MAPT: variants seen among roughly 807,000 people sequenced by gnomAD.
MAPT encodes the protein microtubule-associated protein tau.
In MAPT, 34 loss-of-function variants were observed where a neutral mutation model predicts 67.9. The ratio of observed to expected loss-of-function variants is 0.50; its 90% confidence interval spans 0.38 to 0.67. The LOEUF is 0.67. Among genes scored for constraint, MAPT ranks in the 30% least tolerant of loss-of-function variants. The pLI, the probability that MAPT is intolerant of heterozygous loss-of-function variation, is 0.00. For missense variants in MAPT, 881 were observed against 1,115.2 expected, an observed-to-expected ratio of 0.79 and a Z score of 2.99; for synonymous variants, 456 against 464.5, an observed-to-expected ratio of 0.98 and a Z score of 0.23.
chr17:45,983,543 C>T lies in MAPT; in HGVS notation c.964C>T (p.Gln322Ter). Reference protein sequence around the residue: ...ASPAQDGRPPQTAAREATSIP... With the variant: ...ASPAQDGRPP ...CCCAGCCCAAGATGGGCGGCCTCCC[C>T]AGACAGCCGCCAGAGAAGCCACCAG... is the stretch of plus-strand genomic sequence containing the variant. The change falls in exon 5 of 13, where the codon CAG becomes TAG. Residue 322 changes from glutamine to a stop codon, truncating the protein, a stop_gained. Transcript: ENST00000262410. LOFTEE classifies it high-confidence loss of function. 6.2e-7 allele frequency: 1 copy of T among 1,613,058 alleles called. No individual in the cohort carries two copies. Among genetic ancestry groups the T allele is most frequent in the Non-Finnish European group, 8.5e-7 (1 of 1,179,978 alleles).
At chr17:45,942,132 C>T (rs182545810) in intron 1 of MAPT, among the ~76,000 whole-genome samples, 45 of 152,238 alleles carry the variant, frequency 3.0e-4, no homozygotes, top group African/African-American at 1.1e-3. Context: ...GAAAATCTCC[C>T]TAATTGTATT....
intron 7 of MAPT, among the ~76,000 whole-genome samples, chr17:45,990,923 G>GC (rs1244254478): frequency 6.6e-6 from 1 of 152,018 alleles, no homozygotes; most frequent in Non-Finnish European, 1.5e-5. Flanking sequence ...TCGGGTGCTC[G>GC]CCTGGTCTGA....
chr17:46,014,735 G>A (rs1000892945), intron 11 of MAPT, among the ~76,000 whole-genome samples: 17 of 152,254 alleles, frequency 1.1e-4, no homozygotes, highest in East Asian at 1.9e-4. Flanking sequence ...TTAGCCGGGC[G>A]TGGTGGTGGG....
At chr17:45,901,622 A>G (rs1560312) in intron 1 of MAPT, among the ~76,000 whole-genome samples, 42,927 of 152,126 alleles carry the variant, frequency 0.28, 6,509 homozygotes, top group Middle Eastern at 0.36. Context: ...AATCAAGACT[A>G]AGTAACAATA....
chr17:45,985,925 T>C (rs1367469173), intron 5 of MAPT, among the ~76,000 whole-genome samples: 3 of 152,094 alleles, frequency 2.0e-5, no homozygotes, highest in African/African-American at 4.8e-5. Flanking sequence ...CAGGTGACAA[T>C]AGCCAATGAG....
In MAPT at chr17:45,941,502, T is replaced by C. The variant is rs575482284; in HGVS notation, c.-17-20819T>C. 3.2e-4 allele frequency among the ~76,000 whole-genome samples: 49 copies of C among 152,046 alleles called. 1 individual carries two copies. Among genetic ancestry groups the C allele is most frequent in the South Asian group, 1.3e-3 (6 of 4,786 alleles). On this transcript the variant is annotated intron_variant, in intron 1 of 12. Coordinates refer to ENST00000262410, the MANE Select transcript of MAPT (RefSeq NM_001377265.1). The stretch of plus-strand genomic sequence containing the variant: ...GCTTCTACCCCAGGGGTGTAGAGTT[T>C]TGCCATTTTCCAAGCAGAACTTCAT...
intron 9 of MAPT, among the ~76,000 whole-genome samples, chr17:46,001,531 C>T (rs892563445): frequency 2.6e-4 from 40 of 152,240 alleles, no homozygotes; most frequent in Middle Eastern, 3.4e-3. Flanking sequence ...GGCGCGGTGG[C>T]GCATGCCTGT....
At chr17:45,921,660 G>T (rs1298928755) in intron 1 of MAPT, among the ~76,000 whole-genome samples, 1 of 152,206 alleles carries the variant, frequency 6.6e-6, no homozygotes, top group Non-Finnish European at 1.5e-5. Flanking sequence ...ATCAGAAATC[G>T]TATTTCCATG....
chr17:45,978,456 T>C lies in MAPT; in HGVS notation c.286+16T>C. 6.2e-7 allele frequency: 1 copy of C among 1,609,584 alleles called. No individual in the cohort carries two copies. Among genetic ancestry groups the C allele is most frequent in the South Asian group, 1.1e-5 (1 of 90,994 alleles). ...GTGACCCAAGGTCAGTGAACTGGAA[T>C]TGCCTGCCATGACTTGGGGGTTGGG... On this transcript the variant is annotated intron_variant, in intron 4 of 12. Coordinates refer to ENST00000262410, the MANE Select transcript of MAPT (RefSeq NM_001377265.1).
chr17:45,935,248 C>T (rs1439979984), intron 1 of MAPT, among the ~76,000 whole-genome samples: 1 of 152,100 alleles, frequency 6.6e-6, no homozygotes, highest in Non-Finnish European at 1.5e-5. Context: ...TTCCCTCAGC[C>T]TCCACCCCAA....
chr17:46,018,995 TTTTA>T (rs2076356062), intron 12 of MAPT, among the ~76,000 whole-genome samples: 2 of 152,208 alleles, frequency 1.3e-5, no homozygotes, highest in African/African-American at 2.4e-5. Flanking sequence ...GAGTTTTTGT[TTTTA>T]TTTATTTTTA....
intron 9 of MAPT, among the ~76,000 whole-genome samples, chr17:46,004,355 G>A (rs1232975780): frequency 6.6e-6 from 1 of 152,160 alleles, no homozygotes; most frequent in Non-Finnish European, 1.5e-5. Flanking sequence ...ATTAAACCAA[G>A]TGGACACACA....
chr17:45,898,662 A>C (rs1351482463), intron 1 of MAPT: 2 of 152,120 alleles, frequency 1.3e-5, no homozygotes, highest in Non-Finnish European at 2.9e-5. Context: ...TTCCAATTGG[A>C]CATGTGATAA....
At position 45,989,629 on chromosome 17, in the gene MAPT, C is replaced by T. The variant is rs113134013; in HGVS notation, c.1408-249C>T. 0.15 allele frequency among the ~76,000 whole-genome samples: 22,085 copies of T among 152,082 alleles called. 2,149 individuals are homozygous for T. Among genetic ancestry groups the T allele is most frequent in the Non-Finnish European group, 0.22 (14,758 of 67,980 alleles). On this transcript the variant is annotated intron_variant, in intron 6 of 12. Coordinates refer to ENST00000262410, the MANE Select transcript of MAPT (RefSeq NM_001377265.1). The stretch of plus-strand genomic sequence containing the variant: ...TTGCACCACTGCAGTCCAGCCTGGG[C>T]GACAGAGCGAGACTCCGTCTCAAAA...
chr17:45,948,873 G>C (rs1190263626), intron 1 of MAPT, among the ~76,000 whole-genome samples: 1 of 152,200 alleles, frequency 6.6e-6, no homozygotes. Flanking sequence ...GAAAGACAGG[G>C]TGCAGAAGCC....
At chr17:45,902,204 C>T (rs1000235737) in intron 1 of MAPT, among the ~76,000 whole-genome samples, 8 of 152,074 alleles carry the variant, frequency 5.3e-5, no homozygotes, top group African/African-American at 1.2e-4. Context: ...CCGCCGTAGC[C>T]GGGACTACAG....
At chr17:45,947,718 C>T (rs1357281979) in intron 1 of MAPT, among the ~76,000 whole-genome samples, 2 of 152,038 alleles carry the variant, frequency 1.3e-5, no homozygotes, top group African/African-American at 2.4e-5. Flanking sequence ...GTATGTTTGA[C>T]TTGATGACCT....
rs1180992241 is a variant in MAPT at position 45,983,104 on chromosome 17, A to T, written c.525A>T (p.Gly175=). 6 of 1,554,422 alleles carry T rather than the reference A, an allele frequency of 3.9e-6. No homozygotes were observed. The highest frequency in any genetic ancestry group is 5.2e-6 in the Non-Finnish European group (6 of 1,147,700). The change falls in exon 5 of 13, where the codon GGA becomes GGT. Residue 175 remains glycine, a synonymous_variant. Transcript: ENST00000262410. ...CTCAGGAGCCCTCCCTGGAGTGGGG[A>T]CAAAAAGGCGGGGACTGGGCCGAGA... ...GGPQEPSLEW[G]QKGGDWAEKG... is the part of the protein sequence containing the mutation.
chr17:45,932,907 C>T (rs1423412570), intron 1 of MAPT, among the ~76,000 whole-genome samples: 3 of 151,684 alleles, frequency 2.0e-5, no homozygotes, highest in Admixed American at 2.0e-4. Context: ...CATGATGAAA[C>T]CCCATCTCTA....
Sources: allele counts gnomAD v4.1 joint callset (sites outside exome capture counted in the v4.1 genomes callset), GRCh38; gene constraint gnomAD v4.1.1; transcripts MANE v1.5; gene names NCBI Gene and HGNC (gene_info 2026-07-23, HGNC 2026-07-21).